Variants in SEMA3A observed in about 807,000 individuals in gnomAD.
SEMA3A encodes semaphorin 3A.
SEMA3A carries 29 observed loss-of-function variants against 97.9 expected under a neutral mutation model. The ratio of observed to expected loss-of-function variants is 0.30; its 90% CI spans 0.22 to 0.40. SEMA3A has a LOEUF of 0.40. SEMA3A is among the 10% of genes least tolerant of loss of function. The pLI is 1.00. For missense variants in SEMA3A, 763 were observed against 951.3 expected, an observed-to-expected ratio of 0.80 and a Z score of 2.60; for synonymous variants, 321 against 323.7, an observed-to-expected ratio of 0.99 and a Z score of 0.09.
At chr7:83,973,288 C>T (rs1472119592) in intron 15 of SEMA3A, among the ~76,000 whole-genome samples, 1 of 152,018 alleles carries the variant, frequency 6.6e-6, no homozygotes, top group East Asian at 1.9e-4. Context: ...CTATTATCAT[C>T]TGAATAAGAG....
At chr7:84,461,950 T>C (rs942168985) in intron 1 of SEMA3A, among the ~76,000 whole-genome samples, 8 of 152,196 alleles carry the variant, frequency 5.3e-5, no homozygotes, top group African/African-American at 1.9e-4. Flanking sequence ...AGGAAGATTC[T>C]ACTGCCTAGC....
intron 2 of SEMA3A, among the ~76,000 whole-genome samples, chr7:84,340,682 G>C (rs1261131939): frequency 6.6e-6 from 1 of 151,142 alleles, no homozygotes; most frequent in Non-Finnish European, 1.5e-5. Context: ...CAGGAGGCTG[G>C]GGCAGGAGAA....
chr7:83,965,646 ATATATATATATATATATATATTTTTTTT>A lies in SEMA3A; in HGVS notation c.1718-2327_1718-2300del, dbSNP rs1450775929. On this transcript the variant is annotated intron_variant, in intron 15 of 16. Coordinates refer to ENST00000265362, the MANE Select transcript of SEMA3A (RefSeq NM_006080.3). ...TGGGTGCATATATATATATATATATATATATATATATATATATATATTTTTTTTTTTTTTTTTTTTTTTTTTTTTTTTG... is the reference window on the plus strand; with the variant it reads ...TGGGTGCATATATATATATATATATATTTTTTTTTTTTTTTTTTTTTTTTG... 6.3e-4 allele frequency among the ~76,000 whole-genome samples: 5 copies of A among 7,944 alleles called. 1 individual carries two copies. The East Asian group carries it at 0.022, about 35-fold the overall frequency. The allele number at this position is 7,944 out of a possible 152,430, so 5.2% of individuals were successfully genotyped here.
At chr7:84,255,143 T>G (rs17158792) in intron 3 of SEMA3A, among the ~76,000 whole-genome samples, 2,663 of 152,246 alleles carry the variant, frequency 0.017, 79 homozygotes, top group African/African-American at 0.061. Context: ...CCTTGTCCAT[T>G]GGCAGGCCTT....
intron 4 of SEMA3A, among the ~76,000 whole-genome samples, chr7:84,085,399 G>C (rs960267298): frequency 2.0e-5 from 3 of 151,084 alleles, no homozygotes; most frequent in African/African-American, 7.3e-5. Flanking sequence ...CACTATTCTG[G>C]GAGAAAAAAA....
chr7:84,441,320 C>A (rs1184265105), intron 1 of SEMA3A, among the ~76,000 whole-genome samples: 3 of 150,886 alleles, frequency 2.0e-5, no homozygotes, highest in Non-Finnish European at 1.5e-5. Context: ...GATGTATGAG[C>A]AAAATGGAAA....
intron 1 of SEMA3A, among the ~76,000 whole-genome samples, chr7:84,448,145 G>A (rs1805470158): frequency 6.6e-6 from 1 of 152,166 alleles, no homozygotes; most frequent in African/African-American, 2.4e-5. Context: ...TGTGAGCCGT[G>A]CACAGCCTGC....
chr7:84,258,590 C>T (rs1054395082), intron 3 of SEMA3A, among the ~76,000 whole-genome samples: 2 of 152,034 alleles, frequency 1.3e-5, no homozygotes, highest in Non-Finnish European at 2.9e-5. Context: ...CAAAAATATC[C>T]CCTATGTTTC....
chr7:84,075,122 T>C (rs17158600), intron 4 of SEMA3A, among the ~76,000 whole-genome samples: 18,217 of 151,960 alleles, frequency 0.12, 1,172 homozygotes, highest in South Asian at 0.15. Context: ...AGAAAGTTTA[T>C]CTACAGACTG....
chr7:84,429,511 GT>G (rs1254392141), intron 1 of SEMA3A, among the ~76,000 whole-genome samples: 10 of 54,402 alleles, frequency 1.8e-4, no homozygotes, highest in African/African-American at 1.1e-3. Context: ...AAAATATAGA[GT>G]TTGTTATATA....
rs184757275 is a variant in SEMA3A, at chr7:84,219,810, T to C, written c.-82-25142A>G. On this transcript the variant is annotated intron_variant, in intron 3 of 3. Transcript: ENST00000424555. ...CACTTGCTGCTTCAACTTGCACTTT[T>C]ATGTTATGAAAATGGCTGCTTTTCT... 2.7e-3 allele frequency among the ~76,000 whole-genome samples: 416 copies of C among 152,042 alleles called. 1 individual carries two copies. Among genetic ancestry groups the C allele is most frequent in the African/African-American group, 9.7e-3 (404 of 41,556 alleles).
rs1584019720 is a variant in SEMA3A at position 84,135,986 on chromosome 7, TAA to T, written c.113-1037_113-1036del. Among the ~76,000 whole-genome samples the T allele has an allele frequency of 2.0e-5, 3 of 152,216 alleles. No individual in the cohort carries two copies. The East Asian group carries it at 5.8e-4, about 29-fold the overall frequency. ...TTCAGATTAAAAATAACATTAAATA[TAA>T]GTCCATTTTTGTGCTTGGAAGCTAA... is the stretch of plus-strand genomic sequence containing the variant. On this transcript the variant is annotated intron_variant, in intron 1 of 16. Transcript: ENST00000265362.
chr7:84,016,903 T>C (rs934453099), intron 6 of SEMA3A, among the ~76,000 whole-genome samples: 1 of 152,234 alleles, frequency 6.6e-6, no homozygotes, highest in African/African-American at 2.4e-5. Flanking sequence ...TACATTCTTC[T>C]GCTTTAATAC....
chr7:84,097,176 G>T (rs767708248), intron 4 of SEMA3A, among the ~76,000 whole-genome samples: 2 of 152,070 alleles, frequency 1.3e-5, no homozygotes, highest in African/African-American at 2.4e-5. Flanking sequence ...TAAATCAGAA[G>T]AAGCCACATT....
At chr7:84,250,897 C>T (rs1364206515) in intron 3 of SEMA3A, among the ~76,000 whole-genome samples, 2 of 152,054 alleles carry the variant, frequency 1.3e-5, no homozygotes, top group Non-Finnish European at 2.9e-5. Context: ...TTATTAAATA[C>T]CAGTTTCTTG....
exon 3 of SEMA3A, chr7:84,307,279 G>A (rs903311972): frequency 3.3e-5 from 5 of 151,816 alleles, no homozygotes; most frequent in Non-Finnish European, 7.4e-5. Context: ...AAGTACCTGG[G>A]CACTTTAAAT....
At chr7:84,086,604 A>ATAATATATTATTATATTAT (rs1382445049) in intron 4 of SEMA3A, among the ~76,000 whole-genome samples, 15 of 141,488 alleles carry the variant, frequency 1.1e-4, no homozygotes, top group South Asian at 2.1e-4. Context: ...TTATATTTAT[A>ATAATATATTATTATATTAT]ATCCTCACAA....
rs193302083 is a variant in SEMA3A at position 84,071,129 on chromosome 7, T to C, written c.454-10571A>G. Among the ~76,000 whole-genome samples the C allele has an allele frequency of 3.4e-3, 512 of 152,270 alleles. 1 individual carries two copies. The highest frequency in any genetic ancestry group is 0.012 in the African/African-American group (486 of 41,576). On this transcript the variant is annotated intron_variant, in intron 4 of 16. Transcript: ENST00000265362. Reference sequence around the variant, plus strand: ...TACTACAGTCACACATTGCATGTGGTTATTTAATTTAAACTAATCAAAGGG... The same window carrying C: ...TACTACAGTCACACATTGCATGTGGCTATTTAATTTAAACTAATCAAAGGG...
At chr7:84,155,614 C>G (rs531779050) in intron 1 of SEMA3A, among the ~76,000 whole-genome samples, 10 of 152,108 alleles carry the variant, frequency 6.6e-5, no homozygotes, top group Non-Finnish European at 1.0e-4. Context: ...CTGCTTTACA[C>G]TCATTATCTT....
Sources: allele counts gnomAD v4.1 joint callset (sites outside exome capture counted in the v4.1 genomes callset), GRCh38; gene constraint gnomAD v4.1.1; transcripts MANE v1.5; gene names NCBI Gene and HGNC (gene_info 2026-07-23, HGNC 2026-07-21).